NAV3: variants seen among roughly 807,000 people sequenced by gnomAD.
The protein encoded by NAV3 is pore membrane and/or filament interacting like protein 1.
In NAV3, 87 loss-of-function variants were observed where a neutral mutation model predicts 244.7. The observed-to-expected ratio is 0.36, with a 90% CI of 0.30 to 0.42. The LOEUF is 0.42. Ranked by LOEUF, NAV3 falls within the 20% of genes least tolerant of loss-of-function variation. The pLI is 1.00. For missense variants in NAV3, 2,663 were observed against 2,893.3 expected (o/e 0.92, Z 1.83); for synonymous variants, 1,126 against 1,042.2 (o/e 1.08, Z -1.55).
intron 1 of NAV3, among the ~76,000 whole-genome samples, chr12:77,902,484 G>A (rs77576596): frequency 2.0e-5 from 3 of 152,196 alleles, no homozygotes; most frequent in African/African-American, 4.8e-5. Flanking sequence ...ACAATCATGC[G>A]GTTTTTGTCA....
intron 2 of NAV3, among the ~76,000 whole-genome samples, chr12:77,625,260 TTTA>T (rs1270886616): frequency 6.6e-6 from 1 of 152,200 alleles, no homozygotes; most frequent in African/African-American, 2.4e-5. Flanking sequence ...ATGTTATATG[TTTA>T]TTATTCTACT....
At chr12:77,590,700 A>G (rs1163625774) in intron 2 of NAV3, among the ~76,000 whole-genome samples, 1 of 152,248 alleles carries the variant, frequency 6.6e-6, no homozygotes, top group Non-Finnish European at 1.5e-5. Context: ...TCACACAAAT[A>G]TGCTCATTCA....
chr12:77,976,936 A>G (rs746932305), intron 5 of NAV3, among the ~76,000 whole-genome samples: 4 of 151,962 alleles, frequency 2.6e-5, no homozygotes, highest in Admixed American at 6.5e-5. Context: ...CGGCCTCCCA[A>G]AGTTCTGGGA....
intron 1 of NAV3, among the ~76,000 whole-genome samples, chr12:77,938,180 A>G (rs1010017502): frequency 2.6e-5 from 4 of 152,194 alleles, no homozygotes; most frequent in African/African-American, 9.6e-5. Context: ...CTAGAAGGCC[A>G]AAACAATTCT....
chr12:78,028,536 G>C (rs1338834298), intron 9 of NAV3, among the ~76,000 whole-genome samples: 1 of 152,184 alleles, frequency 6.6e-6, no homozygotes, highest in African/African-American at 2.4e-5. Flanking sequence ...GGATGCCAAG[G>C]ACGGAGTAAC....
At chr12:78,141,476 C>T (rs1236577950) in intron 20 of NAV3, among the ~76,000 whole-genome samples, 1 of 152,082 alleles carries the variant, frequency 6.6e-6, no homozygotes, top group Non-Finnish European at 1.5e-5. Context: ...AGTTCATAGC[C>T]TCTGCTGTCA....
chr12:77,889,910 CT>C (rs906967631), intron 1 of NAV3, among the ~76,000 whole-genome samples: 2 of 152,148 alleles, frequency 1.3e-5, no homozygotes, highest in African/African-American at 4.8e-5. Flanking sequence ...AGTTTGAACT[CT>C]GTATAAGTAC....
In NAV3 at chr12:78,021,729, T is replaced by G. The variant is rs769233113; in HGVS notation, c.1908-18T>G. 6.4e-7 allele frequency: 1 copy of G among 1,566,992 alleles called. No individual in the cohort carries two copies. The highest frequency in any genetic ancestry group is 1.1e-5 in the South Asian group (1 of 89,572). Reference sequence around the variant, plus strand: ...GACTATAACTGCTATTTCTTTCTATTTTCATGGTTAATTTCAGGGCACATT... The same window carrying G: ...GACTATAACTGCTATTTCTTTCTATGTTCATGGTTAATTTCAGGGCACATT... On this transcript the variant is annotated intron_variant, in intron 8 of 39. Transcript: ENST00000397909.
intron 8 of NAV3, among the ~76,000 whole-genome samples, chr12:78,012,241 C>A (rs1184063761): frequency 6.6e-6 from 1 of 152,054 alleles, no homozygotes; most frequent in African/African-American, 2.4e-5. Context: ...ACTTTCTTTC[C>A]ATTTCCAGCC....
intron 1 of NAV3, among the ~76,000 whole-genome samples, chr12:77,875,478 G>A (rs910677379): frequency 5.9e-5 from 9 of 151,736 alleles, no homozygotes; most frequent in Non-Finnish European, 1.0e-4. Context: ...TATTAGTTCC[G>A]TGAGAACAAG....
intron 25 of NAV3, 100 bp from the exon 26 acceptor site, chr12:78,176,339 T>C: frequency 8.5e-7 from 1 of 1,173,564 alleles, no homozygotes; most frequent in Non-Finnish European, 1.2e-6. Context: ...AAGAAATATC[T>C]TTTTATCTTA....
chr12:77,783,856 G>A (rs538597398), intron 2 of NAV3, among the ~76,000 whole-genome samples: 5 of 152,240 alleles, frequency 3.3e-5, no homozygotes, highest in East Asian at 3.9e-4. Context: ...GGCAGATAGA[G>A]GAAAATCATG....
At chr12:77,923,366 T>C (rs576745568) in intron 1 of NAV3, among the ~76,000 whole-genome samples, 2 of 152,108 alleles carry the variant, frequency 1.3e-5, no homozygotes, top group Non-Finnish European at 2.9e-5. Flanking sequence ...CACACACACA[T>C]ATCAGAGCTA....
intron 1 of NAV3, among the ~76,000 whole-genome samples, chr12:77,900,649 T>C (rs1443218548): frequency 2.0e-5 from 3 of 152,204 alleles, no homozygotes; most frequent in African/African-American, 7.2e-5. Flanking sequence ...CCATGTCTGT[T>C]ATTGTGAATA....
At chr12:77,756,151 A>G (rs1417426552) in intron 2 of NAV3, among the ~76,000 whole-genome samples, 1 of 152,188 alleles carries the variant, frequency 6.6e-6, no homozygotes, top group East Asian at 1.9e-4. Context: ...GATATAATAT[A>G]TACAAAGACC....
At chr12:77,813,776 G>C (rs1872407733) in intron 2 of NAV3, among the ~76,000 whole-genome samples, 1 of 152,134 alleles carries the variant, frequency 6.6e-6, no homozygotes, top group Non-Finnish European at 1.5e-5. Context: ...CTAATAGCAA[G>C]TACTCAAAAG....
chr12:77,749,005 A>G (rs902063148), intron 2 of NAV3, among the ~76,000 whole-genome samples: 10 of 152,184 alleles, frequency 6.6e-5, no homozygotes, highest in Non-Finnish European at 1.5e-4. Flanking sequence ...TTATTTGTCA[A>G]TTATACTTCT....
intron 2 of NAV3, among the ~76,000 whole-genome samples, chr12:77,718,262 T>C (rs1876452604): frequency 6.6e-6 from 1 of 152,212 alleles, no homozygotes; most frequent in Non-Finnish European, 1.5e-5. Flanking sequence ...CTGTGTACAA[T>C]AAGGCTCAAA....
At chr12:78,208,103 G>C (rs1333845805) in intron 39 of NAV3, among the ~76,000 whole-genome samples, 1 of 152,168 alleles carries the variant, frequency 6.6e-6, no homozygotes, top group Non-Finnish European at 1.5e-5. Flanking sequence ...TGGTTGAAAA[G>C]TCTAGGATTG....
Sources: allele counts gnomAD v4.1 joint callset (sites outside exome capture counted in the v4.1 genomes callset), GRCh38; gene constraint gnomAD v4.1.1; transcripts MANE v1.5; gene names NCBI Gene and HGNC (gene_info 2026-07-23, HGNC 2026-07-21).